The following NTN4 variants were observed in gnomAD, a reference collection of about 807,000 sequenced individuals.
NTN4 encodes the protein netrin 4, also known as netrin-4.
NTN4 carries 32 observed loss-of-function variants against 73.6 expected under a neutral mutation model. The ratio of observed to expected loss-of-function variants is 0.44; its 90% confidence interval spans 0.33 to 0.58. The LOEUF is 0.58. NTN4 is among the 20% of genes least tolerant of loss of function. The pLI is 0.04. For synonymous variants in NTN4, 258 were observed against 287.5 expected (o/e 0.90, Z 1.04); for missense variants, 654 against 798.3 (o/e 0.82, Z 2.18).
chr12:95,784,753 C>T (rs1037602760), intron 2 of NTN4, among the ~76,000 whole-genome samples: 1 of 150,518 alleles, frequency 6.6e-6, no homozygotes. Flanking sequence ...GGTGACAGAG[C>T]GGGACTCAGT....
intron 2 of NTN4, among the ~76,000 whole-genome samples, chr12:95,785,142 C>T (rs1046824176): frequency 2.0e-5 from 3 of 151,954 alleles, no homozygotes; most frequent in Non-Finnish European, 4.4e-5. Context: ...AATTGCTGGA[C>T]TGTGGCAATA....
rs1361763436 is a variant in NTN4 at position 95,660,190 on chromosome 12, T to A, written c.1751-968A>T. Among the ~76,000 whole-genome samples the A allele has an allele frequency of 2.6e-5, 4 of 152,134 alleles. No homozygotes were observed. In the East Asian group the frequency reaches 7.7e-4, roughly 29 times the overall value. On this transcript the variant is annotated intron_variant, in intron 9 of 9. Coordinates refer to ENST00000343702, the MANE Select transcript of NTN4 (RefSeq NM_021229.4). ...CACCATGCCTGGCTAATTTTTGTTA[T>A]TTTTAGTAGAGACAGGGTTTTACCA...
chr12:95,707,748 C>G (rs771493458), intron 5 of NTN4, among the ~76,000 whole-genome samples: 33 of 152,268 alleles, frequency 2.2e-4, no homozygotes, highest in Admixed American at 3.3e-4. Flanking sequence ...ATAAAAGTAA[C>G]TGGATGAATG....
chr12:95,780,772 A>G (rs1316117532), intron 2 of NTN4, among the ~76,000 whole-genome samples: 1 of 152,178 alleles, frequency 6.6e-6, no homozygotes, highest in East Asian at 1.9e-4. Context: ...AACTAGAAAT[A>G]CCATTTGACC....
chr12:95,658,916 G>C lies in NTN4; in HGVS notation c.*170C>G, dbSNP rs558484073. 1.8e-6 allele frequency: 1 copy of C among 542,896 alleles called. No individual in the cohort carries two copies. The highest frequency in any genetic ancestry group is 3.2e-6 in the Non-Finnish European group (1 of 316,318). The allele number at this position is 542,896 out of a possible 1,614,324, so 33.6% of individuals were successfully genotyped here. On this transcript the variant is annotated 3_prime_UTR_variant, in exon 10 of 10. Transcript: ENST00000343702. ...TCATTTCTCTTCATGAAATAAAACT[G>C]TATTTAAACATGGGTCCAGAAGAGA...
intron 2 of NTN4, among the ~76,000 whole-genome samples, chr12:95,744,833 C>CTT (rs59086846): frequency 9.9e-4 from 117 of 118,208 alleles, no homozygotes; most frequent in South Asian, 1.4e-3. Flanking sequence ...TGGTGAAAAA[C>CTT]TTTTTTTTTT....
intron 4 of NTN4, 44 bp downstream of exon 4, chr12:95,713,168 A>C (rs767105924): frequency 1.3e-6 from 2 of 1,593,152 alleles, no homozygotes. Context: ...AGATGCGTTG[A>C]CTTTACAAAG....
intron 7 of NTN4, among the ~76,000 whole-genome samples, chr12:95,676,903 T>C (rs2078277780): frequency 6.6e-6 from 1 of 152,162 alleles, no homozygotes; most frequent in Non-Finnish European, 1.5e-5. Context: ...TATGAGTGAA[T>C]ACCATGTATA....
chr12:95,751,959 A>G (rs2078911702), intron 2 of NTN4, among the ~76,000 whole-genome samples: 2 of 150,146 alleles, frequency 1.3e-5, no homozygotes. Flanking sequence ...TAACTAAATT[A>G]TCTGCTTCCC....
At chr12:95,724,455 T>C (rs2078675856) in intron 3 of NTN4, among the ~76,000 whole-genome samples, 1 of 152,220 alleles carries the variant, frequency 6.6e-6, no homozygotes, top group African/African-American at 2.4e-5. Context: ...TGAGCTGGTG[T>C]ATGGGCTTAA....
chr12:95,766,493 G>GT (rs1223763044), intron 2 of NTN4, among the ~76,000 whole-genome samples: 1 of 152,186 alleles, frequency 6.6e-6, no homozygotes, highest in Non-Finnish European at 1.5e-5. Flanking sequence ...GATACAACAA[G>GT]TTTTTTAGAA....
intron 5 of NTN4, among the ~76,000 whole-genome samples, chr12:95,696,673 T>C (rs140785714): frequency 1.8e-4 from 28 of 152,302 alleles, no homozygotes; most frequent in Middle Eastern, 3.4e-3. Context: ...CATACTGCTC[T>C]TTATAGGTTT....
chr12:95,725,006 ATTT>A (rs1555217818), intron 3 of NTN4, among the ~76,000 whole-genome samples: 5 of 135,822 alleles, frequency 3.7e-5, no homozygotes, highest in Admixed American at 7.4e-5. Context: ...TGTCATCAGG[ATTT>A]TTTTTTTTTT....
intron 2 of NTN4, among the ~76,000 whole-genome samples, chr12:95,742,384 G>T (rs11108232): frequency 0.37 from 54,971 of 150,382 alleles, 10,695 homozygotes; most frequent in African/African-American, 0.5. Flanking sequence ...AAAAAAGCAT[G>T]CTATATGTCT....
chr12:95,658,627 G>A lies in NTN4; in HGVS notation c.*459C>T, dbSNP rs923648117. ...GGAGAGGTTCCATTTAACACCTACA[G>A]ACCAAAGTTCATGCGTAACACACAA... is the stretch of plus-strand genomic sequence containing the variant. On this transcript the variant is annotated 3_prime_UTR_variant, in exon 10 of 10. Transcript: ENST00000343702. The A allele has an allele frequency of 2.6e-5, 4 of 153,074 alleles. No homozygotes were observed. Among genetic ancestry groups the A allele is most frequent in the African/African-American group, 9.6e-5 (4 of 41,462 alleles). The allele number at this position is 153,074 out of a possible 1,614,324, so 9.5% of individuals were successfully genotyped here. A position where few individuals can be genotyped will look rare whatever the true frequency, so the allele number is the denominator to read the frequency against.
chr12:95,736,432 A>G (rs2078778171), intron 3 of NTN4, among the ~76,000 whole-genome samples: 1 of 152,194 alleles, frequency 6.6e-6, no homozygotes, highest in Non-Finnish European at 1.5e-5. Flanking sequence ...TATAAGAGAC[A>G]GTCGAGGAAA....
At position 95,665,850 on chromosome 12, in the gene NTN4, T is replaced by A; in HGVS notation, c.1710A>T (p.Ser570=). 1.2e-6 allele frequency: 2 copies of A among 1,614,032 alleles called. No individual in the cohort carries two copies. Among genetic ancestry groups the A allele is most frequent in the Non-Finnish European group, 1.7e-6 (2 of 1,179,942 alleles). ...GACAAGTGCATCCTCTGTCCGTCCA[T>A]GATTCTGGATATAATGTTCGCTTTC... ...FRGKRTLYPE[S]WTDRGCTCPI... is the part of the protein sequence containing the mutation. The change falls in exon 9 of 10, where the codon TCA becomes TCT. Residue 570 remains serine (S), a synonymous_variant. Coordinates refer to ENST00000343702, the MANE Select transcript of NTN4 (RefSeq NM_021229.4).
intron 7 of NTN4, chr12:95,672,246 G>T (rs1440148420): frequency 1.5e-6 from 1 of 652,156 alleles, no homozygotes; most frequent in Non-Finnish European, 2.8e-6. Flanking sequence ...GGGGGCAGGG[G>T]GCGGGCTGTG....
At chr12:95,716,351 CTA>C (rs2078605067) in intron 3 of NTN4, among the ~76,000 whole-genome samples, 1 of 152,064 alleles carries the variant, frequency 6.6e-6, no homozygotes, top group Non-Finnish European at 1.5e-5. Context: ...TATAAAAACC[CTA>C]AAGGAATAGT....
Sources: gnomAD v4.1 joint callset for allele counts (sites outside exome capture counted in the v4.1 genomes callset) on GRCh38, gnomAD v4.1.1 for gene constraint, MANE v1.5 for transcripts, NCBI Gene and HGNC (gene_info 2026-07-23, HGNC 2026-07-21) for gene names.